Variants in SDAD1 observed in about 807,000 individuals in gnomAD.
SDAD1 encodes SDA1 domain containing 1.
A neutral mutation model predicts 100.3 loss-of-function variants in SDAD1; 79 were observed. The ratio of observed to expected loss-of-function variants is 0.79; its 90% CI spans 0.66 to 0.95. SDAD1 has a LOEUF of 0.95. Ranked by LOEUF, SDAD1 falls within the 40% of genes least tolerant of loss-of-function variation. The pLI is 0.00. For missense variants in SDAD1, 790 were observed against 810.9 expected (o/e 0.97, Z 0.31); for synonymous variants, 267 against 271.4 (o/e 0.98, Z 0.16).
chr4:75,978,634 A>T (rs1033233536), intron 3 of SDAD1, among the ~76,000 whole-genome samples: 2 of 152,138 alleles, frequency 1.3e-5, no homozygotes, highest in South Asian at 4.1e-4. Context: ...GAAAAACGGT[A>T]AGAATGAATT....
intron 21 of SDAD1, among the ~76,000 whole-genome samples, chr4:75,952,640 G>A (rs932557326): frequency 1.3e-5 from 2 of 152,182 alleles, no homozygotes; most frequent in African/African-American, 4.8e-5. Flanking sequence ...TGTGTGAAGT[G>A]TGATGCTCCT....
chr4:75,954,091 G>A (rs1043768791), intron 21 of SDAD1, among the ~76,000 whole-genome samples: 11 of 151,778 alleles, frequency 7.2e-5, no homozygotes, highest in African/African-American at 9.7e-5. Context: ...AAGTACCCAC[G>A]CCTGGGGCCA....
At chr4:75,965,089 CAA>C (rs1311859764) in intron 13 of SDAD1, among the ~76,000 whole-genome samples, 1 of 152,152 alleles carries the variant, frequency 6.6e-6, no homozygotes, top group Non-Finnish European at 1.5e-5. Flanking sequence ...CTTTCAAAAG[CAA>C]ATAGGAGAAA....
In SDAD1 at chr4:75,971,417, A is replaced by G; in HGVS notation, c.753T>C (p.Ala251=). The change falls in exon 9 of 22, where the codon GCT becomes GCC. Residue 251 remains alanine (A), a synonymous_variant. Coordinates refer to ENST00000356260, the MANE Select transcript of SDAD1 (RefSeq NM_018115.4). ...TGTTTTTGGAACTTTTCTTCCCTGT[A>G]GCATATTGTACTAGCAGGTCTCTTG... ...PTARDLLVQY[A]TGKKSSKNKK... 1 of 1,614,060 alleles carries G rather than the reference A, an allele frequency of 6.2e-7. No homozygotes were observed. The highest frequency in any genetic ancestry group is 8.5e-7 in the Non-Finnish European group (1 of 1,179,984).
intron 1 of SDAD1, among the ~76,000 whole-genome samples, chr4:75,990,063 C>T (rs1335672122): frequency 6.6e-6 from 1 of 152,180 alleles, no homozygotes. Context: ...AAACCACTTT[C>T]GTTTTGTCGG....
chr4:75,965,927 G>T, intron 12 of SDAD1, 105 bp from the exon 13 acceptor site: 1 of 872,012 alleles, frequency 1.1e-6, no homozygotes, highest in Non-Finnish European at 1.8e-6. Context: ...GTATTGCTGC[G>T]TATTCCACCT....
At chr4:75,989,743 T>C (rs1311551691) in intron 1 of SDAD1, among the ~76,000 whole-genome samples, 1 of 152,234 alleles carries the variant, frequency 6.6e-6, no homozygotes, top group Non-Finnish European at 1.5e-5. Context: ...CTTAACTTCT[T>C]GTACTTGTTT....
At chr4:75,968,235 C>T (rs2273) in intron 11 of SDAD1, among the ~76,000 whole-genome samples, 50,290 of 152,046 alleles carry the variant, frequency 0.33, 9,165 homozygotes, top group South Asian at 0.42. Context: ...ATTGATCCTA[C>T]ACTGGGACTA....
intron 3 of SDAD1, among the ~76,000 whole-genome samples, chr4:75,978,522 CCA>C (rs1200891193): frequency 1.3e-5 from 2 of 152,002 alleles, no homozygotes; most frequent in African/African-American, 2.4e-5. Context: ...CTCTTGCTTA[CCA>C]CCAACTCTTA....
intron 4 of SDAD1, among the ~76,000 whole-genome samples, chr4:75,976,426 G>T (rs1467893519): frequency 6.6e-6 from 1 of 152,200 alleles, no homozygotes; most frequent in East Asian, 1.9e-4. Flanking sequence ...CAACATGAAT[G>T]AATCTTGGAA....
rs753298623 is a variant in SDAD1, at chr4:75,990,861, C to A, written c.-20G>T. On this transcript the variant is annotated 5_prime_UTR_variant, in exon 1 of 22. Coordinates refer to ENST00000356260, the MANE Select transcript of SDAD1 (RefSeq NM_018115.4). ...GGACATTTTGGCTGCAGACAGACTT[C>A]GCGGCGAGCAGTTTTAAAAAAACTC... The A allele has an allele frequency of 2.5e-5, 41 of 1,613,900 alleles. No individual in the cohort carries two copies. The highest frequency in any genetic ancestry group is 3.2e-5 in the Non-Finnish European group (38 of 1,180,020).
At chr4:75,964,006 G>C (rs1729395427) in intron 14 of SDAD1, 129 bp downstream of exon 14, 5 of 616,524 alleles carry the variant, frequency 8.1e-6, no homozygotes, top group South Asian at 1.9e-5. Context: ...CTCCCAAAAA[G>C]ACTGAAATAT....
At chr4:75,961,494 G>T (rs1272214112) in intron 14 of SDAD1, among the ~76,000 whole-genome samples, 186 bp from the exon 15 acceptor site, 1 of 152,036 alleles carries the variant, frequency 6.6e-6, no homozygotes, top group Non-Finnish European at 1.5e-5. Context: ...TTTTATTCCA[G>T]TTACTGCCAT....
intron 3 of SDAD1, among the ~76,000 whole-genome samples, chr4:75,978,205 C>T (rs146729318): frequency 6.7e-6 from 1 of 148,984 alleles, no homozygotes; most frequent in East Asian, 2.0e-4. Flanking sequence ...AAGAATGGCT[C>T]AACAGCAGTT....
chr4:75,970,228 ATTCCCTGAAAACCCC>A (rs1729786791), intron 10 of SDAD1, 66 bp downstream of exon 10: 2 of 1,158,684 alleles, frequency 1.7e-6, no homozygotes, highest in Admixed American at 3.9e-5. Flanking sequence ...GGGATCTTAT[ATTCCCTGAAAACCCC>A]AAAGGCAGGA....
chr4:75,988,715 A>G (rs1421538975), intron 1 of SDAD1, among the ~76,000 whole-genome samples: 2 of 152,220 alleles, frequency 1.3e-5, no homozygotes, highest in East Asian at 3.8e-4. Flanking sequence ...GGTAATCAAC[A>G]GTATTTGTCA....
Position 75,973,384 on chromosome 4 carries a change from A to G in SDAD1, c.644T>C (p.Val215Ala). Residue 215 changes from valine to alanine, a missense_variant, in exon 8 of 22, where the codon GTT becomes GCT. Physicochemically the swap from Val to Ala is moderately conservative, Grantham distance 64. Coordinates refer to ENST00000356260, the MANE Select transcript of SDAD1 (RefSeq NM_018115.4). ...ACFSKVTKIL[V>A]AALTFFLGKD... ...CCCAAGAAAGAATGTCAAAGCGGCA[A>G]CTAATATCTAAACACCAATGAGAAA... 6.2e-7 allele frequency: 1 copy of G among 1,612,938 alleles called. No homozygotes were observed. The highest frequency in any genetic ancestry group is 2.2e-5 in the East Asian group (1 of 44,782).
At position 75,950,546 on chromosome 4, in the gene SDAD1, A is replaced by G. The variant is rs1195138481; in HGVS notation, c.*204T>C. ...CATGAATGATAAATGAAATGATTTT[A>G]CATTACCACCACTATTTACATTAAC... On this transcript the variant is annotated 3_prime_UTR_variant, in exon 22 of 22. Transcript: ENST00000356260. The G allele has an allele frequency of 2.2e-6, 1 of 462,712 alleles. No individual in the cohort carries two copies. The highest frequency in any genetic ancestry group is 4.0e-6 in the Non-Finnish European group (1 of 250,008). 28.7% of individuals were successfully genotyped at this position (462,712 alleles called of 1,614,324 possible).
rs1283192198 is a variant in SDAD1 at position 75,967,322 on chromosome 4, T to C, written c.1000A>G (p.Asn334Asp). The C allele has an allele frequency of 6.2e-7, 1 of 1,613,922 alleles. No individual in the cohort carries two copies. The highest frequency in any genetic ancestry group is 8.5e-7 in the Non-Finnish European group (1 of 1,179,974). Residue 334 changes from asparagine to aspartate, a missense_variant, in exon 12 of 22, where the codon AAT (asparagine) becomes GAT (aspartate). Coordinates refer to ENST00000356260, the MANE Select transcript of SDAD1 (RefSeq NM_018115.4). Reference protein sequence around the residue: ...LVGIHELFLFNFYPFLQRFLQ... With the variant: ...LVGIHELFLFDFYPFLQRFLQ... The stretch of plus-strand genomic sequence containing the variant: ...AACCTTTGCAAAAAGGGATAGAAAT[T>C]GAAGAGGAAAAGCTGTGGAGAGAAA...
Sources: allele counts gnomAD v4.1 joint callset (sites outside exome capture counted in the v4.1 genomes callset), GRCh38; gene constraint gnomAD v4.1.1; transcripts MANE v1.5; gene names NCBI Gene and HGNC (gene_info 2026-07-23, HGNC 2026-07-21).